Variants in FBXL5 observed in about 807,000 individuals in gnomAD.
The protein encoded by FBXL5 is F-box/LRR-repeat protein 5.
FBXL5 carries 26 observed loss-of-function variants against 78.3 expected under a neutral mutation model. The observed-to-expected ratio is 0.33, with a 90% CI of 0.24 to 0.46. The LOEUF (loss-of-function observed/expected upper bound fraction) is 0.46. Among genes scored for constraint, FBXL5 ranks in the 20% least tolerant of loss-of-function variants. The probability of loss-of-function intolerance (pLI) is 1.00; values close to 1 mark genes in which losing one functional copy is unlikely to be tolerated. For missense variants in FBXL5, 710 were observed against 829.2 expected, an observed-to-expected ratio of 0.86 and a Z score of 1.77; for synonymous variants, 295 against 282.5, an observed-to-expected ratio of 1.04 and a Z score of -0.45.
In FBXL5 at chr4:15,625,445, T is replaced by C. The variant is rs1334995634; in HGVS notation, c.1657A>G (p.Thr553Ala). 5.6e-6 allele frequency: 9 copies of C among 1,613,910 alleles called. No homozygotes were observed. In the Admixed American group the frequency reaches 1.5e-4, roughly 27 times the overall value. ...FAYCGHSFCC[T>A]GTALRTMSSL... is the part of the protein sequence containing the mutation. ...GACATAGTTCTTAAAGCTGTTCCTG[T>C]ACAACAAAATGAGTGACCACAATAC... Residue 553 changes from threonine (T) to alanine (A), a missense_variant, in exon 9 of 11, where the codon ACA (threonine) becomes GCA (alanine). By Grantham distance (58) the Thr-to-Ala change is moderately conservative (BLOSUM62 0). Around this residue, in one of 4 missense-constraint regions of FBXL5, gnomAD observed 517 missense variants for 542.9 expected, o/e 0.95. Coordinates refer to ENST00000341285, the MANE Select transcript of FBXL5 (RefSeq NM_012161.4).
chr4:15,626,301 G>A (rs538233747), intron 8 of FBXL5, among the ~76,000 whole-genome samples: 6 of 152,274 alleles, frequency 3.9e-5, no homozygotes, highest in South Asian at 4.1e-4. Context: ...GAGAATAACC[G>A]ACGGTTAATG....
intron 9 of FBXL5, among the ~76,000 whole-genome samples, chr4:15,614,275 C>T (rs945086145): frequency 2.6e-5 from 4 of 152,164 alleles, no homozygotes; most frequent in Admixed American, 6.5e-5. Context: ...GTGATGAGTC[C>T]TGTGATGGGA....
chr4:15,635,978 G>A (rs1170123390), intron 5 of FBXL5, among the ~76,000 whole-genome samples: 1 of 151,882 alleles, frequency 6.6e-6, no homozygotes, highest in Non-Finnish European at 1.5e-5. Context: ...AATAAAGATA[G>A]GTCAAAGGCA....
chr4:15,621,517 T>TCA (rs1469081766), intron 9 of FBXL5, among the ~76,000 whole-genome samples: 1 of 152,198 alleles, frequency 6.6e-6, no homozygotes, highest in East Asian at 1.9e-4. Context: ...TCAGTGTTCA[T>TCA]CAACAGATGG....
intron 9 of FBXL5, among the ~76,000 whole-genome samples, chr4:15,615,117 C>A (rs1428005548): frequency 6.6e-6 from 1 of 152,158 alleles, no homozygotes; most frequent in Non-Finnish European, 1.5e-5. Flanking sequence ...CGGCACCGCG[C>A]TCGATTTCTC....
chr4:15,666,725 G>A (rs894554169), intron 1 of FBXL5, among the ~76,000 whole-genome samples: 4 of 151,840 alleles, frequency 2.6e-5, no homozygotes, highest in African/African-American at 4.8e-5. Flanking sequence ...CCATCTACTC[G>A]GGAGGCTGAG....
At chr4:15,628,074 AT>A in intron 6 of FBXL5, 41 bp from the exon 7 acceptor site, 1 of 1,595,862 alleles carries the variant, frequency 6.3e-7, no homozygotes, top group Admixed American at 1.7e-5. Context: ...TGATAAACTG[AT>A]AATAATTAAG....
intron 10 of FBXL5, among the ~76,000 whole-genome samples, chr4:15,607,196 T>C (rs1306210148): frequency 6.6e-6 from 1 of 152,188 alleles, no homozygotes; most frequent in African/African-American, 2.4e-5. Context: ...AGCAATGGTA[T>C]AGATGAAAGG....
At chr4:15,606,297 TTTAG>T (rs1436471396) in intron 10 of FBXL5, among the ~76,000 whole-genome samples, 2 of 152,196 alleles carry the variant, frequency 1.3e-5, no homozygotes, top group African/African-American at 4.8e-5. Context: ...CATATTTTTA[TTTAG>T]TATTTGTAGC....
chr4:15,632,057 T>C (rs1266770870), intron 5 of FBXL5, among the ~76,000 whole-genome samples: 1 of 152,266 alleles, frequency 6.6e-6, no homozygotes, highest in Non-Finnish European at 1.5e-5. Context: ...AGGTCTAACA[T>C]TTAAATATTT....
chr4:15,670,634 C>A (rs1717721823), intron 1 of FBXL5, among the ~76,000 whole-genome samples: 1 of 151,912 alleles, frequency 6.6e-6, no homozygotes. Context: ...TGCCCCTGGG[C>A]CCCTCCCCCC....
chr4:15,623,351 AAAGAT>A (rs1363055373), intron 9 of FBXL5, among the ~76,000 whole-genome samples: 3 of 152,120 alleles, frequency 2.0e-5, no homozygotes, highest in African/African-American at 4.8e-5. Flanking sequence ...TAAAAAACTA[AAAGAT>A]AAGGAAACTG....
Position 15,605,570 on chromosome 4 carries a change from T to C in FBXL5, c.*153A>G. On this transcript the variant is annotated 3_prime_UTR_variant, in exon 11 of 11. Transcript: ENST00000341285. ...CAAGAGAAACAACATTACAATTCAC[T>C]GGTAAATTAAGATTTCTGAAGTTGT... The C allele has an allele frequency of 1.6e-6, 1 of 619,834 alleles. No homozygotes were observed. The highest frequency in any genetic ancestry group is 2.6e-4 in the Middle Eastern group (1 of 3,842). 38.4% of individuals were successfully genotyped at this position (619,834 alleles called of 1,614,324 possible).
chr4:15,615,315 C>T (rs1447337989), intron 9 of FBXL5, among the ~76,000 whole-genome samples: 1 of 152,130 alleles, frequency 6.6e-6, no homozygotes, highest in African/African-American at 2.4e-5. Context: ...CGGCGCGGGA[C>T]TGGCAGGCAG....
At chr4:15,607,205 G>A (rs1377938704) in intron 10 of FBXL5, among the ~76,000 whole-genome samples, 3 of 152,152 alleles carry the variant, frequency 2.0e-5, no homozygotes, top group Non-Finnish European at 4.4e-5. Flanking sequence ...ATAGATGAAA[G>A]GAGACTGCCC....
intron 4 of FBXL5, among the ~76,000 whole-genome samples, chr4:15,636,931 T>A (rs1714344827): frequency 1.3e-5 from 2 of 152,142 alleles, no homozygotes; most frequent in Non-Finnish European, 2.9e-5. Context: ...AGAATTAACT[T>A]CCTCTTACAA....
At chr4:15,630,988 A>C (rs891318881) in intron 5 of FBXL5, among the ~76,000 whole-genome samples, 197 bp from the exon 6 acceptor site, 4 of 152,182 alleles carry the variant, frequency 2.6e-5, no homozygotes, top group Non-Finnish European at 1.5e-5. Context: ...ACATAGGTAT[A>C]TATGTGCCAT....
chr4:15,640,035 T>C (rs1239070545), intron 3 of FBXL5, among the ~76,000 whole-genome samples: 1 of 152,126 alleles, frequency 6.6e-6, no homozygotes. Flanking sequence ...CTTAAGATAA[T>C]AAATGTTTTT....
intron 10 of FBXL5, 51 bp downstream of exon 10, chr4:15,612,215 A>C: frequency 7.1e-7 from 1 of 1,404,082 alleles, no homozygotes; most frequent in Non-Finnish European, 9.3e-7. Context: ...ACTGCTAAAA[A>C]AAATTTTAAA....
Sources: allele counts gnomAD v4.1 joint callset (sites outside exome capture counted in the v4.1 genomes callset), GRCh38; gene constraint gnomAD v4.1.1; regional missense constraint gnomAD v4.1.1; transcripts MANE v1.5; gene names NCBI Gene and HGNC (gene_info 2026-07-23, HGNC 2026-07-21).